The following SPRY3 variants were observed in gnomAD, a reference collection of about 807,000 sequenced individuals.
The protein encoded by SPRY3 is protein sprouty homolog 3.
A neutral mutation model predicts 20.2 loss-of-function variants in SPRY3; 15 were observed. The ratio of observed to expected loss-of-function variants is 0.74; its 90% confidence interval spans 0.50 to 1.14. SPRY3 has a LOEUF of 1.14. Ranked by LOEUF, SPRY3 falls within the 50% of genes most tolerant of loss-of-function variation. The pLI, the probability that SPRY3 is intolerant of heterozygous loss-of-function variation, is 0.00. For missense variants in SPRY3, 364 were observed against 363.9 expected, an observed-to-expected ratio of 1.00 and a Z score of 0.00; for synonymous variants, 143 against 136.5, an observed-to-expected ratio of 1.05 and a Z score of -0.33.
At chrX:155,670,366 A>G (rs1480365905) in intron 2 of SPRY3, among the ~76,000 whole-genome samples, 4 of 112,060 alleles carry the variant, frequency 3.6e-5, no homozygotes, top group Non-Finnish European at 5.7e-5. Context: ...GCCTTGTCCA[A>G]TTCTTTCCCT....
chrX:155,678,037 C>T (rs745961807), intron 2 of SPRY3, among the ~76,000 whole-genome samples: 2 of 111,374 alleles, frequency 1.8e-5, no homozygotes, highest in Non-Finnish European at 3.8e-5. Flanking sequence ...CTGTGTTTAG[C>T]TTTACTGGCC....
chrX:155,672,060 T>C (rs1228563366), intron 2 of SPRY3, among the ~76,000 whole-genome samples: 5 of 111,679 alleles, frequency 4.5e-5, no homozygotes, highest in Non-Finnish European at 9.4e-5. Flanking sequence ...CCTTGTAGTA[T>C]AGTTTGAAGT....
At chrX:155,625,717 C>T (rs781929945) in intron 1 of SPRY3, among the ~76,000 whole-genome samples, 1 of 111,281 alleles carries the variant, frequency 9.0e-6, no homozygotes, top group South Asian at 3.8e-4. Context: ...AAAACAAACC[C>T]TGCATCCCTT....
chrX:155,641,620 G>A (rs192892336), intron 1 of SPRY3, among the ~76,000 whole-genome samples: 13,261 of 95,714 alleles, frequency 0.14, no homozygotes, highest in Middle Eastern at 0.19. Context: ...GCGGCGGGAA[G>A]ATGTTACCAG....
intron 2 of SPRY3, among the ~76,000 whole-genome samples, chrX:155,765,778 C>T (rs1470557331): frequency 1.3e-5 from 2 of 152,166 alleles, no homozygotes; most frequent in Non-Finnish European, 2.9e-5. Flanking sequence ...CATAAAAGGG[C>T]TTCAAATTGA....
At chrX:155,679,231 C>A (rs1256230770) in intron 2 of SPRY3, among the ~76,000 whole-genome samples, 2 of 111,102 alleles carry the variant, frequency 1.8e-5, no homozygotes, top group Admixed American at 1.9e-4. Flanking sequence ...AAAATAAAAA[C>A]CATGAATACA....
chrX:155,703,697 A>C (rs2090927783), intron 2 of SPRY3, among the ~76,000 whole-genome samples: 1 of 146,720 alleles, frequency 6.8e-6, no homozygotes, highest in African/African-American at 2.6e-5. Flanking sequence ...AGTTCTTTTA[A>C]TTGTGATGTT....
At chrX:155,707,581 A>G (rs1337975978) in intron 2 of SPRY3, among the ~76,000 whole-genome samples, 2 of 151,092 alleles carry the variant, frequency 1.3e-5, no homozygotes, top group Admixed American at 1.3e-4. Flanking sequence ...GCTTTTTTCA[A>G]TTCTTTCAGA....
At chrX:155,722,889 C>A (rs1019181470) in intron 2 of SPRY3, among the ~76,000 whole-genome samples, 30 of 152,024 alleles carry the variant, frequency 2.0e-4, no homozygotes, top group African/African-American at 7.2e-4. Flanking sequence ...ACCATCAACT[C>A]ATCATTTACA....
intron 3 of SPRY3, among the ~76,000 whole-genome samples, chrX:155,770,648 C>CTG (rs2124000651): frequency 6.6e-6 from 1 of 151,722 alleles, no homozygotes; most frequent in East Asian, 1.9e-4. Flanking sequence ...CTCTCTCTCT[C>CTG]TCTCTCTCAT....
intron 2 of SPRY3, among the ~76,000 whole-genome samples, chrX:155,688,794 C>CTAGCTATTAAGCCCAGCATGCCT (rs1194835579): frequency 0.014 from 1,246 of 87,584 alleles, 221 homozygotes; most frequent in African/African-American, 0.065. Flanking sequence ...AACCCATCAC[C>CTAGCTATTAAGCCCAGCATGCCT]TAGCTCTTTT....
chrX:155,726,996 C>G (rs996537712), intron 2 of SPRY3, among the ~76,000 whole-genome samples: 1 of 150,378 alleles, frequency 6.6e-6, no homozygotes, highest in African/African-American at 2.4e-5. Context: ...TCCTTCAGGC[C>G]TGGTGGTGAC....
chrX:155,679,901 C>A (rs979895619), intron 2 of SPRY3, among the ~76,000 whole-genome samples: 2 of 109,958 alleles, frequency 1.8e-5, no homozygotes, highest in Non-Finnish European at 3.8e-5. Context: ...AGAGAGGGAG[C>A]AGGAAGACAT....
exon 4 of SPRY3, chrX:155,774,957 GCC>G: frequency 1.6e-6 from 1 of 607,406 alleles, no homozygotes; most frequent in East Asian, 2.8e-5. Context: ...TTTACACCCT[GCC>G]AGCTCAGCCT....
intron 1 of SPRY3, among the ~76,000 whole-genome samples, chrX:155,652,327 A>G (rs2067979733): frequency 9.0e-6 from 1 of 111,526 alleles, no homozygotes; most frequent in African/African-American, 3.3e-5. Context: ...ATCAAATACT[A>G]GGTCTGATTC....
intron 2 of SPRY3, among the ~76,000 whole-genome samples, chrX:155,674,446 G>A (rs1158355834): frequency 1.8e-5 from 2 of 110,621 alleles, no homozygotes; most frequent in Non-Finnish European, 3.8e-5. Flanking sequence ...GAAACCTACT[G>A]CCTCTCTCAA....
At chrX:155,686,770 C>T (rs780348946) in intron 2 of SPRY3, among the ~76,000 whole-genome samples, 2 of 112,338 alleles carry the variant, frequency 1.8e-5, no homozygotes, top group African/African-American at 6.4e-5. Flanking sequence ...GGAGCTATAT[C>T]TGCATCCAAT....
In SPRY3 at chrX:155,649,798, G is replaced by C. The variant is rs1183280736; in HGVS notation, c.-440-7069G>C. On this transcript the variant is annotated intron_variant, in intron 1 of 3. Coordinates refer to ENST00000675360, the Ensembl canonical transcript of SPRY3. ...ATCACACAAGAGAAGGAAATAAAGG[G>C]TATTCAAATAGGAAGGGAGGAAGTC... 3.6e-5 allele frequency among the ~76,000 whole-genome samples: 4 copies of C among 111,201 alleles called. No individual in the cohort carries two copies. The East Asian group carries it at 8.5e-4, about 24-fold the overall frequency.
intron 2 of SPRY3, among the ~76,000 whole-genome samples, chrX:155,710,858 G>T (rs1406325604): frequency 2.0e-5 from 3 of 151,040 alleles, no homozygotes; most frequent in Admixed American, 6.6e-5. Flanking sequence ...GGTTTTTTTA[G>T]GGTTTTTCTT....
Sources: gnomAD v4.1 joint callset for allele counts (sites outside exome capture counted in the v4.1 genomes callset) on GRCh38, gnomAD v4.1.1 for gene constraint, MANE v1.5 for transcripts, NCBI Gene and HGNC (gene_info 2026-07-23, HGNC 2026-07-21) for gene names.